Variants in C2orf80 observed in about 807,000 individuals in gnomAD.
C2orf80 encodes the protein chromosome 2 open reading frame 80, also known as uncharacterized protein C2orf80.
In C2orf80, 28 loss-of-function variants were observed where a neutral mutation model predicts 30.2. The ratio of observed to expected loss-of-function variants is 0.93; its 90% CI spans 0.69 to 1.27. C2orf80 has a LOEUF of 1.27. Among genes scored for constraint, C2orf80 ranks in the 50% most tolerant of loss-of-function variants. C2orf80 has a pLI of 0.00. For missense variants in C2orf80, 220 were observed against 231.0 expected, an observed-to-expected ratio of 0.95 and a Z score of 0.31; for synonymous variants, 80 against 76.4, an observed-to-expected ratio of 1.05 and a Z score of -0.24.
In C2orf80 at chr2:208,171,975, T is replaced by C. The variant is rs1574358248; in HGVS notation, c.454+13A>G. On this transcript the variant is annotated intron_variant, in intron 7 of 8. Transcript: ENST00000341287. ...TTACATTCCTCTAAGCAGGTGAAAG[T>C]AACCAGGCTTACTCTGTTTGCGGGC... is the stretch of plus-strand genomic sequence containing the variant. The C allele has an allele frequency of 3.1e-6, 5 of 1,607,798 alleles. No homozygotes were observed. Among genetic ancestry groups the C allele is most frequent in the Non-Finnish European group, 4.3e-6 (5 of 1,174,246 alleles).
chr2:208,175,748 T>TTA (rs1553596984), intron 6 of C2orf80, among the ~76,000 whole-genome samples: 143 of 151,564 alleles, frequency 9.4e-4, no homozygotes, highest in African/African-American at 3.4e-3. Flanking sequence ...TTTTTTTTTT[T>TTA]AAAAAACTCT....
At chr2:208,189,904 T>C in intron 1 of C2orf80, 49 bp downstream of exon 1, 1 of 702,742 alleles carries the variant, frequency 1.4e-6, no homozygotes, top group South Asian at 1.5e-5. Flanking sequence ...TCTCGGGCTG[T>C]TCTATTAAGT....
chr2:208,188,478 G>C (rs566342992), intron 1 of C2orf80, among the ~76,000 whole-genome samples: 1 of 149,372 alleles, frequency 6.7e-6, no homozygotes, highest in Non-Finnish European at 1.5e-5. Context: ...ACGGAGTCTC[G>C]GTCTGTCACC....
At chr2:208,171,502 G>A (rs1256980590) in intron 7 of C2orf80, among the ~76,000 whole-genome samples, 1 of 152,102 alleles carries the variant, frequency 6.6e-6, no homozygotes, top group Non-Finnish European at 1.5e-5. Context: ...TGTATTTTTA[G>A]TAGAGATAGG....
intron 3 of C2orf80, among the ~76,000 whole-genome samples, chr2:208,184,637 C>A (rs183529043): frequency 6.6e-6 from 1 of 152,312 alleles, no homozygotes; most frequent in African/African-American, 2.4e-5. Flanking sequence ...TTGAGAACTA[C>A]ATGATAGCTA....
At chr2:208,175,641 G>A (rs577552954) in intron 6 of C2orf80, among the ~76,000 whole-genome samples, 1 of 152,106 alleles carries the variant, frequency 6.6e-6, no homozygotes, top group East Asian at 1.9e-4. Context: ...TTAAGCTTTT[G>A]CTTGGGAAGG....
rs189078851 is a variant in C2orf80, at chr2:208,170,890, A to G, written c.573+55T>C. 213 of 1,404,446 alleles carry G rather than the reference A, an allele frequency of 1.5e-4. 2 individuals are homozygous for G. In the East Asian group the frequency reaches 3.5e-3, roughly 23 times the overall value. 87.0% of individuals were successfully genotyped at this position (1,404,446 alleles called of 1,614,324 possible). On this transcript the variant is annotated intron_variant, in intron 8 of 8. Transcript: ENST00000341287. Reference sequence around the variant, plus strand: ...AGACTTTTAACCACGGTATCAGGAAAGTACTCCCAAAATAGCTGGTATCAG... The same window carrying G: ...AGACTTTTAACCACGGTATCAGGAAGGTACTCCCAAAATAGCTGGTATCAG...
intron 6 of C2orf80, among the ~76,000 whole-genome samples, chr2:208,172,289 G>A (rs1330693566): frequency 6.6e-6 from 1 of 152,102 alleles, no homozygotes; most frequent in Non-Finnish European, 1.5e-5. Flanking sequence ...CCTGTACTTG[G>A]TTCCCATTTC....
At chr2:208,177,473 G>A (rs1293552844) in intron 6 of C2orf80, among the ~76,000 whole-genome samples, 1 of 151,964 alleles carries the variant, frequency 6.6e-6, no homozygotes, top group Non-Finnish European at 1.5e-5. Context: ...CCCGGGAGGC[G>A]TAGGTTGCAG....
chr2:208,170,276 A>G (rs887565808), intron 8 of C2orf80, among the ~76,000 whole-genome samples: 29 of 152,160 alleles, frequency 1.9e-4, no homozygotes, highest in African/African-American at 6.5e-4. Flanking sequence ...TCTGTTGATC[A>G]GAGAAGTCTC....
intron 6 of C2orf80, among the ~76,000 whole-genome samples, chr2:208,176,895 A>G (rs372230109): frequency 0.035 from 2,862 of 80,796 alleles, 268 homozygotes; most frequent in African/African-American, 0.12. Flanking sequence ...AGGTGTATAT[A>G]TATACATATC....
intron 6 of C2orf80, among the ~76,000 whole-genome samples, chr2:208,173,488 G>A (rs1232556673): frequency 6.6e-6 from 1 of 152,060 alleles, no homozygotes; most frequent in Non-Finnish European, 1.5e-5. Flanking sequence ...AGCCAGGCGT[G>A]GTGGTGGGCA....
At chr2:208,173,603 C>T (rs1176316753) in intron 6 of C2orf80, among the ~76,000 whole-genome samples, 4 of 142,348 alleles carry the variant, frequency 2.8e-5, no homozygotes, top group Non-Finnish European at 6.1e-5. Flanking sequence ...CCAGCCTGGG[C>T]GAGAGAGCGA....
At chr2:208,170,897 C>A in intron 8 of C2orf80, 48 bp downstream of exon 8, 1 of 1,477,958 alleles carries the variant, frequency 6.8e-7, no homozygotes, top group Non-Finnish European at 9.5e-7. Flanking sequence ...GAAAGTACTC[C>A]CAAAATAGCT....
In C2orf80 at chr2:208,165,678, C is replaced by T; in HGVS notation, c.*129G>A. ...AGAAAGCTCAACATCAAAAATAACA[C>T]TTCAGTGCAGTTGTACCAAAAACAG... On this transcript the variant is annotated 3_prime_UTR_variant, in exon 9 of 9. Transcript: ENST00000341287. The T allele has an allele frequency of 8.1e-7, 1 of 1,236,084 alleles. No individual in the cohort carries two copies. The highest frequency in any genetic ancestry group is 1.1e-6 in the Non-Finnish European group (1 of 877,230). The allele number at this position is 1,236,084 out of a possible 1,614,324, so 76.6% of individuals were successfully genotyped here. A position where few individuals can be genotyped will look rare whatever the true frequency, so the allele number is the denominator to read the frequency against.
At chr2:208,176,972 T>TATCTGTATACATATGTATAC (rs1696357963) in intron 6 of C2orf80, among the ~76,000 whole-genome samples, 1 of 48,484 alleles carries the variant, frequency 2.1e-5, no homozygotes, top group Non-Finnish European at 4.0e-5. Flanking sequence ...TATGTATACA[T>TATCTGTATACATATGTATAC]ATATACAGAA....
chr2:208,183,202 G>GTT (rs778118522), intron 3 of C2orf80, among the ~76,000 whole-genome samples, 155 bp from the exon 4 acceptor site: 1 of 134,708 alleles, frequency 7.4e-6, no homozygotes, highest in Admixed American at 7.4e-5. Context: ...TGCTCGGCCA[G>GTT]ATTTTTTTTT....
At position 208,176,945 on chromosome 2, in the gene C2orf80, A is replaced by ATACAGATCTG. The variant is rs796428631; in HGVS notation, c.366+3799_366+3800insCAGATCTGTA. Among the ~76,000 whole-genome samples the ATACAGATCTG allele has an allele frequency of 4.2e-4, 34 of 81,624 alleles. 9 individuals carry two copies. The highest frequency in any genetic ancestry group is 2.0e-3 in the Admixed American group (14 of 7,060). The allele number at this position is 81,624 out of a possible 152,430, so 53.5% of individuals were successfully genotyped here. A position where few individuals can be genotyped will look rare whatever the true frequency, so the allele number is the denominator to read the frequency against. On this transcript the variant is annotated intron_variant, in intron 6 of 8. Coordinates refer to ENST00000341287, the MANE Select transcript of C2orf80 (RefSeq NM_001099334.3). The stretch of plus-strand genomic sequence containing the variant: ...TGTATACATATGTATACATATCTGT[A>ATACAGATCTG]TACATATCTGTATACATATGTATAC...
At chr2:208,179,739 G>T (rs1181685471) in intron 6 of C2orf80, among the ~76,000 whole-genome samples, 1 of 150,178 alleles carries the variant, frequency 6.7e-6, no homozygotes, top group African/African-American at 2.5e-5. Flanking sequence ...ATGGAGGCCC[G>T]AAAGGGGAAA....
Sources: gnomAD v4.1 joint callset for allele counts (sites outside exome capture counted in the v4.1 genomes callset) on GRCh38, gnomAD v4.1.1 for gene constraint, MANE v1.5 for transcripts, NCBI Gene and HGNC (gene_info 2026-07-23, HGNC 2026-07-21) for gene names.